STK32B: variants seen among roughly 807,000 people sequenced by gnomAD.
STK32B encodes the protein serine/threonine-protein kinase 32B.
Under a neutral mutation model 52.6 loss-of-function variants are expected in STK32B, and 43 were observed. The observed-to-expected ratio is 0.82, with a 90% CI of 0.64 to 1.05. STK32B has a LOEUF of 1.05. Among genes scored for constraint, STK32B ranks in the 50% least tolerant of loss-of-function variants. The pLI, the probability that STK32B is intolerant of heterozygous loss-of-function variation, is 0.00. For synonymous variants in STK32B, 238 were observed against 204.3 expected (o/e 1.17, Z -1.41); for missense variants, 621 against 534.6 (o/e 1.16, Z -1.59).
In STK32B at chr4:5,119,783, C is replaced by T. The variant is rs184411659; in HGVS notation, c.53-20122C>T. 3.3e-5 allele frequency among the ~76,000 whole-genome samples: 5 copies of T among 152,312 alleles called. No individual in the cohort carries two copies. The East Asian group carries it at 5.8e-4, about 18-fold the overall frequency. ...GAGCGACCTAAATTTCACATGCTTT[C>T]GTATTCTGAAGCTAATGTGCTGACT... On this transcript the variant is annotated intron_variant, in intron 1 of 11. Transcript: ENST00000282908.
chr4:5,204,661 G>T (rs914335685), intron 3 of STK32B, among the ~76,000 whole-genome samples: 2 of 151,954 alleles, frequency 1.3e-5, no homozygotes, highest in South Asian at 2.1e-4. Context: ...GTAGAAATGG[G>T]GTTTCACCAT....
intron 2 of STK32B, among the ~76,000 whole-genome samples, chr4:5,143,443 C>A (rs916688748): frequency 2.0e-5 from 3 of 152,116 alleles, no homozygotes; most frequent in South Asian, 2.1e-4. Context: ...CTGGAGCCCA[C>A]GCATCACACC....
chr4:5,279,624 T>G (rs1237430535), intron 3 of STK32B, among the ~76,000 whole-genome samples: 1 of 152,160 alleles, frequency 6.6e-6, no homozygotes, highest in East Asian at 1.9e-4. Flanking sequence ...CAGTGGGGAC[T>G]CTGTATTGGA....
intron 3 of STK32B, among the ~76,000 whole-genome samples, chr4:5,238,038 C>T (rs73081661): frequency 6.6e-5 from 10 of 152,122 alleles, no homozygotes; most frequent in African/African-American, 2.2e-4. Flanking sequence ...ATTGCTCTTA[C>T]GCTCACATTC....
Position 5,456,827 on chromosome 4 carries a change from G to C in STK32B, c.687G>C (p.Ser229=), listed in dbSNP as rs576832282. 15 of 1,590,374 alleles carry C rather than the reference G, an allele frequency of 9.4e-6. No homozygotes were observed. The South Asian group carries it at 1.7e-4, about 18-fold the overall frequency. The change falls in exon 8 of 12, where the codon TCG becomes TCC. Residue 229 remains serine (S), a synonymous_variant. Transcript: ENST00000282908. ...LRGWRPYEIH[S]VTPIDEILNM... is the part of the protein sequence containing the mutation. ...TGCAGAGGCCGTACGAAATCCACTC[G>C]GTCACGCCCATCGATGAAATCCTCA...
chr4:5,284,567 G>A (rs77869273), intron 3 of STK32B, among the ~76,000 whole-genome samples: 165 of 152,190 alleles, frequency 1.1e-3, no homozygotes, highest in Non-Finnish European at 2.0e-3. Flanking sequence ...CTTACAGACC[G>A]TACACGGGGA....
chr4:5,360,674 C>T (rs1241628540), intron 4 of STK32B, among the ~76,000 whole-genome samples: 1 of 152,100 alleles, frequency 6.6e-6, no homozygotes, highest in Non-Finnish European at 1.5e-5. Context: ...GGCATGGTGG[C>T]ACATGCCTGT....
chr4:5,331,717 A>T (rs61168342), intron 4 of STK32B, among the ~76,000 whole-genome samples: 3,911 of 152,110 alleles, frequency 0.026, 166 homozygotes, highest in African/African-American at 0.088. Context: ...GAGCATTATT[A>T]TACTAGTGAG....
chr4:5,425,562 A>G (rs757579953), intron 6 of STK32B, among the ~76,000 whole-genome samples: 4 of 151,826 alleles, frequency 2.6e-5, no homozygotes, highest in African/African-American at 4.9e-5. Context: ...AAACATAAGT[A>G]TTCCTACCCT....
In STK32B at chr4:5,449,644, G is replaced by T. The variant is rs191731545; in HGVS notation, c.666+2868G>T. 1.8e-3 allele frequency among the ~76,000 whole-genome samples: 272 copies of T among 152,240 alleles called. 1 individual carries two copies. Among genetic ancestry groups the T allele is most frequent in the African/African-American group, 6.0e-3 (251 of 41,540 alleles). On this transcript the variant is annotated intron_variant, in intron 7 of 11. Coordinates refer to ENST00000282908, the MANE Select transcript of STK32B (RefSeq NM_018401.3). ...GCAGAGCAGGGGGTGAAGGTGAATGGCAAGTGAGCCAGGGAAGCTTCCTCT... is the reference window on the plus strand; with the variant it reads ...GCAGAGCAGGGGGTGAAGGTGAATGTCAAGTGAGCCAGGGAAGCTTCCTCT...
intron 1 of STK32B, among the ~76,000 whole-genome samples, chr4:5,103,014 G>C (rs531519182): frequency 6.9e-6 from 1 of 145,454 alleles, no homozygotes; most frequent in Non-Finnish European, 1.5e-5. Context: ...TGGCTACTTT[G>C]ACCAGCTCAT....
chr4:5,034,876 A>G, the STK32B span, among the ~76,000 whole-genome samples: 1 of 152,200 alleles, frequency 6.6e-6, no homozygotes, highest in African/African-American at 2.4e-5. Flanking sequence ...TGTCAGTAGC[A>G]CTTGATTTAC....
At chr4:5,498,851 G>C (rs1258806682) in intron 11 of STK32B, 94 bp from the exon 12 acceptor site, 5 of 1,464,082 alleles carry the variant, frequency 3.4e-6, no homozygotes, top group Non-Finnish European at 4.5e-6. Flanking sequence ...TGAGCTGAAG[G>C]CTCCACAGTT....
intron 3 of STK32B, among the ~76,000 whole-genome samples, chr4:5,233,367 G>A (rs555937148): frequency 1.3e-5 from 2 of 152,252 alleles, no homozygotes; most frequent in Admixed American, 6.5e-5. Flanking sequence ...AGGAAGTCAT[G>A]AGCAAGAGAA....
chr4:5,384,228 G>A (rs527557073), intron 4 of STK32B, among the ~76,000 whole-genome samples: 41 of 152,316 alleles, frequency 2.7e-4, no homozygotes, highest in Admixed American at 7.2e-4. Flanking sequence ...GTCCCGAGAA[G>A]GGTGTGGGCA....
At chr4:5,316,602 A>G (rs1272647508) in intron 3 of STK32B, among the ~76,000 whole-genome samples, 1 of 12,152 alleles carries the variant, frequency 8.2e-5, no homozygotes, top group Non-Finnish European at 1.1e-4. Context: ...TATTACATAT[A>G]TAATATATAT....
chr4:5,491,552 T>C (rs1280829360), intron 11 of STK32B, among the ~76,000 whole-genome samples: 2 of 151,898 alleles, frequency 1.3e-5, no homozygotes, highest in Non-Finnish European at 2.9e-5. Flanking sequence ...GATGGTAGTT[T>C]CTTTTGCTGT....
intron 7 of STK32B, among the ~76,000 whole-genome samples, chr4:5,455,867 T>C (rs1171567007): frequency 1.3e-5 from 2 of 152,096 alleles, no homozygotes; most frequent in African/African-American, 4.8e-5. Context: ...GCAGTCAACT[T>C]CATATGGGTT....
chr4:5,134,343 T>C (rs376983699), intron 1 of STK32B, among the ~76,000 whole-genome samples: 1 of 152,168 alleles, frequency 6.6e-6, no homozygotes, highest in East Asian at 1.9e-4. Flanking sequence ...GTCATTATCA[T>C]GGGAGTAGAT....
Sources: allele counts gnomAD v4.1 joint callset (sites outside exome capture counted in the v4.1 genomes callset), GRCh38; gene constraint gnomAD v4.1.1; transcripts MANE v1.5; gene names NCBI Gene and HGNC (gene_info 2026-07-23, HGNC 2026-07-21).